ENTREP2: variants seen among roughly 807,000 people sequenced by gnomAD.
ENTREP2 encodes protein ENTREP2.
At chr15:29,178,453 GTTT>G in the ENTREP2 span, among the ~76,000 whole-genome samples, 290 of 152,166 alleles carry the variant, frequency 1.9e-3, 1 homozygote, top group African/African-American at 6.5e-3. Context: ...CCTTCTCTCT[GTTT>G]TTTGTTTTTT....
the ENTREP2 span, among the ~76,000 whole-genome samples, chr15:29,204,980 T>C: frequency 1.3e-5 from 2 of 152,058 alleles, no homozygotes; most frequent in African/African-American, 2.4e-5. Flanking sequence ...CAAATCCCCA[T>C]TCCCTCTCCC....
chr15:29,546,099 T>C, the ENTREP2 span, among the ~76,000 whole-genome samples: 1 of 152,192 alleles, frequency 6.6e-6, no homozygotes, highest in South Asian at 2.1e-4. Flanking sequence ...ACAATGAAAC[T>C]TAGGAGACTT....
chr15:29,627,456 T>C, the ENTREP2 span, among the ~76,000 whole-genome samples: 2 of 151,170 alleles, frequency 1.3e-5, no homozygotes, highest in Admixed American at 1.3e-4. Context: ...GGCAGGAGAA[T>C]TGCTTGAACC....
the ENTREP2 span, among the ~76,000 whole-genome samples, chr15:29,352,094 C>T: frequency 1.2e-3 from 177 of 152,126 alleles, no homozygotes; most frequent in African/African-American, 4.2e-3. Context: ...GCAACCATAC[C>T]GGGCTAATTT....
At chr15:29,522,413 G>C in the ENTREP2 span, among the ~76,000 whole-genome samples, 1 of 152,226 alleles carries the variant, frequency 6.6e-6, no homozygotes, top group African/African-American at 2.4e-5. Flanking sequence ...AAAAATGCCA[G>C]AGTTGAAGAC....
chr15:29,364,635 G>A, the ENTREP2 span, among the ~76,000 whole-genome samples: 11 of 152,330 alleles, frequency 7.2e-5, no homozygotes, highest in South Asian at 2.3e-3. Context: ...GTCATAACTG[G>A]TGTGGGAGAC....
chr15:29,274,228 G>T, the ENTREP2 span, among the ~76,000 whole-genome samples: 3 of 152,146 alleles, frequency 2.0e-5, no homozygotes, highest in Non-Finnish European at 4.4e-5. Context: ...TGGTTTACAG[G>T]TATGACTTCA....
At chr15:29,127,955 G>T in the ENTREP2 span, among the ~76,000 whole-genome samples, 3 of 152,202 alleles carry the variant, frequency 2.0e-5, no homozygotes, top group African/African-American at 7.2e-5. Flanking sequence ...GGAAGGAAAA[G>T]ATTGCTTCCA....
chr15:29,360,191 T>C, the ENTREP2 span, among the ~76,000 whole-genome samples: 6 of 152,240 alleles, frequency 3.9e-5, no homozygotes, highest in South Asian at 1.0e-3. Flanking sequence ...TTCACAGTTA[T>C]AATAATTTTT....
At chr15:29,206,002 A>T in the ENTREP2 span, among the ~76,000 whole-genome samples, 1 of 152,216 alleles carries the variant, frequency 6.6e-6, no homozygotes, top group Admixed American at 6.5e-5. Context: ...GTCCTGCAGC[A>T]TCCCTGCTGG....
At chr15:29,262,174 T>C in the ENTREP2 span, among the ~76,000 whole-genome samples, 43 of 152,064 alleles carry the variant, frequency 2.8e-4, no homozygotes, top group East Asian at 5.8e-3. Flanking sequence ...TTATGATATA[T>C]ACATATTGGT....
the ENTREP2 span, among the ~76,000 whole-genome samples, chr15:29,286,455 C>T: frequency 5.3e-4 from 80 of 152,304 alleles, 2 homozygotes; most frequent in Admixed American, 4.4e-3. Flanking sequence ...CCCCTACATG[C>T]CCTTTTGTAC....
At chr15:29,594,205 CAGAT>C in the ENTREP2 span, among the ~76,000 whole-genome samples, 5 of 152,124 alleles carry the variant, frequency 3.3e-5, no homozygotes, top group African/African-American at 1.2e-4. Flanking sequence ...ATGACTGAAA[CAGAT>C]AGGGAGGATA....
the ENTREP2 span, among the ~76,000 whole-genome samples, chr15:29,560,472 A>G: frequency 6.6e-6 from 1 of 152,260 alleles, no homozygotes; most frequent in African/African-American, 2.4e-5. Context: ...GACCAGCTGC[A>G]GTGAAGCTCC....
chr15:29,424,217 A>C, the ENTREP2 span, among the ~76,000 whole-genome samples: 1 of 152,210 alleles, frequency 6.6e-6, no homozygotes, highest in East Asian at 1.9e-4. Context: ...AGCAGCAAAA[A>C]TACAAAACCT....
At chr15:29,145,622 CAAAAA>C in the ENTREP2 span, among the ~76,000 whole-genome samples, 1 of 58,254 alleles carries the variant, frequency 1.7e-5, no homozygotes, top group African/African-American at 7.3e-5. Context: ...GACTCCATCT[CAAAAA>C]AAAAAAAAAA....
chr15:29,377,782 T>C, the ENTREP2 span, among the ~76,000 whole-genome samples: 5 of 149,856 alleles, frequency 3.3e-5, no homozygotes, highest in Non-Finnish European at 5.9e-5. Context: ...GATCGTACCA[T>C]TGCCCTCCAG....
At chr15:29,354,556 G>A in the ENTREP2 span, among the ~76,000 whole-genome samples, 1 of 152,160 alleles carries the variant, frequency 6.6e-6, no homozygotes, top group African/African-American at 2.4e-5. Flanking sequence ...GGGGATCGGG[G>A]GTGGGAGAGG....
At chr15:29,644,929 C>A in the ENTREP2 span, among the ~76,000 whole-genome samples, 3 of 151,898 alleles carry the variant, frequency 2.0e-5, no homozygotes, top group Non-Finnish European at 2.9e-5. Flanking sequence ...TTGGGATCAG[C>A]CAGGCATGGT....
Sources: allele counts gnomAD v4.1 joint callset (sites outside exome capture counted in the v4.1 genomes callset), GRCh38; gene constraint gnomAD v4.1.1; transcripts MANE v1.5; gene names NCBI Gene and HGNC (gene_info 2026-07-23, HGNC 2026-07-21).